The following TECRL variants were observed in gnomAD, a reference collection of about 807,000 sequenced individuals.
TECRL encodes trans-2,3-enoyl-CoA reductase-like.
Under a neutral mutation model 52.8 loss-of-function variants are expected in TECRL, and 63 were observed. That is an observed-to-expected ratio of 1.19 (90% confidence interval 0.97 to 1.47). The LOEUF (loss-of-function observed/expected upper bound fraction) is 1.47, where lower values mean the gene tolerates loss of function less well. Ranked by LOEUF, TECRL falls within the 40% of genes most tolerant of loss-of-function variation. The pLI, the probability that TECRL is intolerant of heterozygous loss-of-function variation, is 0.00. For synonymous variants in TECRL, 164 were observed against 141.9 expected (o/e 1.16, Z -1.10); for missense variants, 482 against 429.6 (o/e 1.12, Z -1.08).
intron 2 of TECRL, among the ~76,000 whole-genome samples, chr4:64,333,074 T>C (rs1718762221): frequency 6.6e-6 from 1 of 151,856 alleles, no homozygotes; most frequent in South Asian, 2.1e-4. Context: ...TAAAGACATA[T>C]GATGACAAGA....
intron 1 of TECRL, among the ~76,000 whole-genome samples, chr4:64,379,247 TACACACACACAC>T (rs4034911): frequency 1.4e-4 from 21 of 145,422 alleles, no homozygotes; most frequent in African/African-American, 3.0e-4. Context: ...CACACACACA[TACACACACACAC>T]ACACACACAC....
At chr4:64,334,030 C>CAAAAAAAAA (rs4034910) in intron 2 of TECRL, among the ~76,000 whole-genome samples, 5,753 of 27,862 alleles carry the variant, frequency 0.21, 1,388 homozygotes, top group Non-Finnish European at 0.33. Flanking sequence ...GACTCCGTCT[C>CAAAAAAAAA]AAAAAAAAAA....
At chr4:64,378,732 G>A (rs763827657) in intron 1 of TECRL, among the ~76,000 whole-genome samples, 14 of 151,864 alleles carry the variant, frequency 9.2e-5, no homozygotes, top group Admixed American at 2.0e-4. Flanking sequence ...AATTGACAGC[G>A]CACAGTGAAT....
chr4:64,276,988 T>C (rs1722595454), downstream of TECRL: 5 of 1,406,400 alleles, frequency 3.6e-6, no homozygotes, highest in East Asian at 2.5e-5. Flanking sequence ...AGCATTAATA[T>C]TGACAACAAG....
chr4:64,369,858 T>C (rs886471318), intron 2 of TECRL, among the ~76,000 whole-genome samples: 42 of 152,086 alleles, frequency 2.8e-4, no homozygotes, highest in African/African-American at 9.4e-4. Flanking sequence ...TAAATGTTAA[T>C]GCAAAGTAGA....
chr4:64,288,785 A>G (rs145665769), intron 9 of TECRL, among the ~76,000 whole-genome samples: 5 of 152,292 alleles, frequency 3.3e-5, no homozygotes, highest in Admixed American at 6.5e-5. Context: ...CAGCAAACCA[A>G]TGAGATGCAT....
intron 1 of TECRL, among the ~76,000 whole-genome samples, chr4:64,405,914 C>T (rs1357964881): frequency 2.6e-5 from 4 of 152,008 alleles, no homozygotes; most frequent in African/African-American, 7.2e-5. Context: ...TAAGATAAGA[C>T]GTGAGAATAG....
At chr4:64,362,249 A>G (rs1721251429) in intron 2 of TECRL, among the ~76,000 whole-genome samples, 2 of 152,068 alleles carry the variant, frequency 1.3e-5, no homozygotes, top group African/African-American at 4.8e-5. Context: ...AAAGAGATGA[A>G]GTGATGGAGC....
chr4:64,409,217 A>T lies in TECRL; in HGVS notation c.135T>A (p.Pro45=), dbSNP rs1189197462. Residue 45 remains proline (P), a synonymous_variant, in exon 1 of 12, where the codon CCT becomes CCA. Coordinates refer to ENST00000381210, the MANE Select transcript of TECRL (RefSeq NM_001010874.5). The stretch of plus-strand genomic sequence containing the variant: ...GTTTGACTGCTGGAGTTGGTCTTAG[A>T]GGGCCCGCTGAGAGTACAAGTTTTG... ...FLSKLVLSAG[P]LRPTPAVKHS... 1.9e-6 allele frequency: 3 copies of T among 1,610,272 alleles called. No homozygotes were observed. The highest frequency in any genetic ancestry group is 3.3e-5 in the Admixed American group (2 of 59,908).
At chr4:64,281,590 T>C in intron 9 of TECRL, 31 bp from the exon 10 acceptor site, 1 of 1,171,694 alleles carries the variant, frequency 8.5e-7, no homozygotes, top group Non-Finnish European at 1.3e-6. Flanking sequence ...ATGTCAATGA[T>C]GCTACACATT....
chr4:64,319,233 T>G (rs1717720560), intron 4 of TECRL, among the ~76,000 whole-genome samples: 2 of 151,152 alleles, frequency 1.3e-5, no homozygotes, highest in African/African-American at 2.4e-5. Flanking sequence ...AAAAGAGAAA[T>G]AAGGGTTATA....
chr4:64,331,299 T>C (rs995249421), intron 2 of TECRL, among the ~76,000 whole-genome samples: 2 of 152,140 alleles, frequency 1.3e-5, no homozygotes, highest in Non-Finnish European at 1.5e-5. Flanking sequence ...AATATTACTG[T>C]CAGGTTTTTG....
chr4:64,300,143 A>T, intron 7 of TECRL, 126 bp from the exon 8 acceptor site: 1 of 552,992 alleles, frequency 1.8e-6, no homozygotes, highest in Non-Finnish European at 3.0e-6. Flanking sequence ...CTAGTATGTA[A>T]TTCACCTTTT....
intron 2 of TECRL, among the ~76,000 whole-genome samples, chr4:64,370,319 C>CA (rs201613453): frequency 4.0e-4 from 59 of 148,348 alleles, no homozygotes; most frequent in Middle Eastern, 3.4e-3. Flanking sequence ...ATAGATTCTC[C>CA]AAAAAAAAAG....
chr4:64,405,617 A>G (rs2067818614), intron 1 of TECRL, among the ~76,000 whole-genome samples: 1 of 152,182 alleles, frequency 6.6e-6, no homozygotes, highest in African/African-American at 2.4e-5. Context: ...GTAGATTTAC[A>G]GTCCAAGGAA....
At chr4:64,351,252 A>C (rs527255582) in intron 2 of TECRL, among the ~76,000 whole-genome samples, 41 of 147,464 alleles carry the variant, frequency 2.8e-4, no homozygotes, top group African/African-American at 9.6e-4. Flanking sequence ...ACTGTAGTCA[A>C]AAACTGTGTA....
intron 8 of TECRL, chr4:64,299,009 A>G (rs1352019810): frequency 6.6e-6 from 1 of 151,282 alleles, no homozygotes; most frequent in African/African-American, 2.4e-5. Flanking sequence ...TATATTTTCA[A>G]CATATTGTTG....
intron 9 of TECRL, among the ~76,000 whole-genome samples, chr4:64,283,993 AGAGAACAAAAAAGATAATGCCCCAAAG>A (rs1245597854): frequency 7.2e-5 from 11 of 152,200 alleles, no homozygotes; most frequent in African/African-American, 2.6e-4. Flanking sequence ...TGGGGCTGAC[AGAGAACAAAAAAGATAATGCCCCAAAG>A]GAGCTGCAGA....
intron 1 of TECRL, among the ~76,000 whole-genome samples, chr4:64,395,013 A>C (rs1363117425): frequency 6.6e-6 from 1 of 151,012 alleles, no homozygotes. Context: ...CCGGGGTTCA[A>C]ATGATTCTTC....
Sources: allele counts gnomAD v4.1 joint callset (sites outside exome capture counted in the v4.1 genomes callset), GRCh38; gene constraint gnomAD v4.1.1; transcripts MANE v1.5; gene names NCBI Gene and HGNC (gene_info 2026-07-23, HGNC 2026-07-21).